The following SCFD1 variants were observed in gnomAD, a reference collection of about 807,000 sequenced individuals.
SCFD1 encodes the protein sec1 family domain-containing protein 1.
A neutral mutation model predicts 103.2 loss-of-function variants in SCFD1; 37 were observed. The ratio of observed to expected loss-of-function variants is 0.36; its 90% CI spans 0.28 to 0.47. The LOEUF is 0.47. Among genes scored for constraint, SCFD1 ranks in the 20% least tolerant of loss-of-function variants. SCFD1 has a pLI of 1.00. For synonymous variants in SCFD1, 264 were observed against 245.0 expected (o/e 1.08, Z -0.73); for missense variants, 639 against 761.2 (o/e 0.84, Z 1.89).
chr14:30,631,766 C>G (rs1332521586), intron 3 of SCFD1, among the ~76,000 whole-genome samples: 1 of 151,892 alleles, frequency 6.6e-6, no homozygotes, highest in African/African-American at 2.4e-5. Flanking sequence ...GGAGAAGGGG[C>G]CAGGCACAGT....
intron 13 of SCFD1, 44 bp downstream of exon 13, chr14:30,674,041 G>T (rs757827077): frequency 6.9e-7 from 1 of 1,458,826 alleles, no homozygotes; most frequent in South Asian, 1.2e-5. Context: ...CTGTTGATAG[G>T]ATTTTTTTTT....
intron 1 of SCFD1, 52 bp downstream of exon 1, chr14:30,622,451 CCTT>C (rs1487388101): frequency 1.3e-6 from 2 of 1,546,984 alleles, no homozygotes; most frequent in African/African-American, 2.7e-5. Flanking sequence ...CCGACGACAT[CCTT>C]CTCCTCTGGT....
rs561345681 is a variant in SCFD1, at chr14:30,660,954, G to A, written c.855+7366G>A. Among the ~76,000 whole-genome samples the A allele has an allele frequency of 1.5e-4, 23 of 152,136 alleles. No individual in the cohort carries two copies. The South Asian group carries it at 2.7e-3, about 18-fold the overall frequency. On this transcript the variant is annotated intron_variant, in intron 10 of 24. Transcript: ENST00000458591. ...TTCTGCCTCAGACCTGGCTGCATCC[G>A]TTTCTCAAAAAGCCTCTGGTTCCTT...
intron 24 of SCFD1, 196 bp downstream of exon 24, chr14:30,735,054 C>T: frequency 2.0e-6 from 1 of 494,242 alleles, no homozygotes; most frequent in Non-Finnish European, 3.6e-6. Context: ...TAGGAGTTTG[C>T]CCATCCTTCC....
At chr14:30,657,083 G>A (rs770400052) in intron 10 of SCFD1, among the ~76,000 whole-genome samples, 2 of 151,892 alleles carry the variant, frequency 1.3e-5, no homozygotes, top group Admixed American at 6.6e-5. Context: ...TACAGATCAC[G>A]GGTGCCTCAT....
Position 30,673,817 on chromosome 14 carries a change from G to T in SCFD1, c.1087-107G>T, listed in dbSNP as rs911531512. ...ATTCTAGGTGACTTAAAAATCTTAC[G>T]GTATATCAATAATCTTAGGATATTT... On this transcript the variant is annotated intron_variant, in intron 12 of 24. Coordinates refer to ENST00000458591, the MANE Select transcript of SCFD1 (RefSeq NM_016106.4). 37 of 747,866 alleles carry T rather than the reference G, an allele frequency of 4.9e-5. No homozygotes were observed. In the Middle Eastern group the frequency reaches 7.1e-4, roughly 14 times the overall value. The allele number at this position is 747,866 out of a possible 1,614,324, so 46.3% of individuals were successfully genotyped here.
chr14:30,682,741 A>G (rs114918324), intron 14 of SCFD1, among the ~76,000 whole-genome samples: 1,574 of 152,350 alleles, frequency 0.01, 22 homozygotes, highest in African/African-American at 0.036. Flanking sequence ...GGAATTAAAC[A>G]TGTGAAGAAG....
At chr14:30,709,656 T>G (rs1891725311) in intron 19 of SCFD1, among the ~76,000 whole-genome samples, 2 of 152,210 alleles carry the variant, frequency 1.3e-5, no homozygotes, top group South Asian at 2.1e-4. Flanking sequence ...CAGCTTATCT[T>G]CACCCTCTTA....
At chr14:30,723,043 A>AAAGG (rs909779675) in intron 23 of SCFD1, among the ~76,000 whole-genome samples, 2 of 152,272 alleles carry the variant, frequency 1.3e-5, no homozygotes, top group South Asian at 2.1e-4. Flanking sequence ...AGCTAAGCAA[A>AAAGG]AAGGAAGGAA....
At chr14:30,643,953 T>C in intron 7 of SCFD1, 1 of 456,690 alleles carries the variant, frequency 2.2e-6, no homozygotes, top group Non-Finnish European at 4.4e-6. Flanking sequence ...ACAAATGAAT[T>C]CGTCACCCAG....
rs543480530 is a variant in SCFD1, at chr14:30,643,366, A to G, written c.574A>G (p.Thr192Ala). The G allele has an allele frequency of 1.1e-4, 172 of 1,613,672 alleles. 1 individual carries two copies. In the South Asian group the frequency reaches 1.8e-3, roughly 17 times the overall value. ...CACGGAAATGGAAACTGTTATGGACACTATAGTTGACAGCCTCTTCTGCTT... is the reference window on the plus strand; with the variant it reads ...CACGGAAATGGAAACTGTTATGGACGCTATAGTTGACAGCCTCTTCTGCTT... ...TDTEMETVMD[T>A]IVDSLFCFFV... is the part of the protein sequence containing the mutation. Residue 192 changes from threonine to alanine, a missense_variant, in exon 7 of 25, where the codon ACT becomes GCT. Coordinates refer to ENST00000458591, the MANE Select transcript of SCFD1 (RefSeq NM_016106.4).
rs536356398 is a variant in SCFD1 at position 30,673,253 on chromosome 14, T to G, written c.996-4T>G. On this transcript the variant is annotated splice_polypyrimidine_tract_variant and splice_region_variant and intron_variant, in intron 11 of 24. Coordinates refer to ENST00000458591, the MANE Select transcript of SCFD1 (RefSeq NM_016106.4). ...CTCATAGTTCTTGTGCAATACTGTT[T>G]TAGTCCATTCCCAGAAGTTGCAGAA... 3.2e-6 allele frequency: 5 copies of G among 1,555,474 alleles called. No homozygotes were observed. The South Asian group carries it at 5.8e-5, about 18-fold the overall frequency.
intron 9 of SCFD1, among the ~76,000 whole-genome samples, chr14:30,651,331 A>G (rs1886373023): frequency 6.6e-6 from 1 of 152,178 alleles, no homozygotes; most frequent in African/African-American, 2.4e-5. Flanking sequence ...CACTAGAAGT[A>G]ATAATTTCAT....
chr14:30,703,910 C>CACATATATAT, intron 17 of SCFD1, among the ~76,000 whole-genome samples: 1 of 39,550 alleles, frequency 2.5e-5, no homozygotes, highest in East Asian at 4.5e-4. Flanking sequence ...GGAATATTTG[C>CACATATATAT]ATATATATAT....
chr14:30,735,011 T>G (rs1272973677), intron 24 of SCFD1, 153 bp downstream of exon 24: 1 of 583,698 alleles, frequency 1.7e-6, no homozygotes, highest in East Asian at 2.9e-5. Flanking sequence ...CATGGACGAC[T>G]AAGAAAACCT....
At chr14:30,720,551 G>A (rs1185946794) in intron 21 of SCFD1, among the ~76,000 whole-genome samples, 5 of 152,046 alleles carry the variant, frequency 3.3e-5, no homozygotes, top group Non-Finnish European at 5.9e-5. Context: ...ATCAGGGTTC[G>A]AAAATATTTG....
At chr14:30,730,302 A>G (rs1421667044) in intron 23 of SCFD1, among the ~76,000 whole-genome samples, 1 of 151,964 alleles carries the variant, frequency 6.6e-6, no homozygotes, top group African/African-American at 2.4e-5. Flanking sequence ...TGTTGTGAAT[A>G]GTGCCGCAAT....
Position 30,643,304 on chromosome 14 carries a change from A to G in SCFD1, c.524-12A>G, listed in dbSNP as rs751635988. On this transcript the variant is annotated splice_polypyrimidine_tract_variant and intron_variant, in intron 6 of 24. Coordinates refer to ENST00000458591, the MANE Select transcript of SCFD1 (RefSeq NM_016106.4). ...TGGGTCAACTTTTTCTCCTTTTCCT[A>G]TGTCATTTTAGCCATTAACAGGCCA... 31 of 1,572,958 alleles carry G rather than the reference A, an allele frequency of 2.0e-5. No individual in the cohort carries two copies. In the Admixed American group the frequency reaches 2.7e-4, roughly 14 times the overall value.
intron 17 of SCFD1, among the ~76,000 whole-genome samples, chr14:30,702,625 G>A (rs975941990): frequency 3.3e-5 from 5 of 152,130 alleles, no homozygotes; most frequent in Non-Finnish European, 2.9e-5. Context: ...GTCAAAGACC[G>A]AAATGTCTGG....
Sources: gnomAD v4.1 joint callset for allele counts (sites outside exome capture counted in the v4.1 genomes callset) on GRCh38, gnomAD v4.1.1 for gene constraint, MANE v1.5 for transcripts, NCBI Gene and HGNC (gene_info 2026-07-23, HGNC 2026-07-21) for gene names.